TBX1: variants seen among roughly 807,000 people sequenced by gnomAD.
TBX1 encodes the protein T-box transcription factor 1.
TBX1 carries 16 observed loss-of-function variants against 40.8 expected under a neutral mutation model. The observed-to-expected ratio is 0.39, with a 90% CI of 0.27 to 0.60. The LOEUF is 0.60. Among genes scored for constraint, TBX1 ranks in the 20% least tolerant of loss-of-function variants. The pLI is 0.51. For missense variants in TBX1, 755 were observed against 728.5 expected, an observed-to-expected ratio of 1.04 and a Z score of -0.42; for synonymous variants, 403 against 336.8, an observed-to-expected ratio of 1.20 and a Z score of -2.15.
At chr22:19,780,362 C>T (rs139385022), downstream of TBX1, among the ~76,000 whole-genome samples, 7 of 152,356 alleles carry the variant, frequency 4.6e-5, no homozygotes, top group South Asian at 1.0e-3. Flanking sequence ...AGTGGAATCA[C>T]ACAGCATTTG....
rs369277079 is a variant in TBX1 at position 19,775,030 on chromosome 22, C to T, written c.1010-4190C>T. ...TCGGGTTCAGGCTCTCCTTCCACCT[C>T]GGCCTCCCAAAGTGCTGGGATTATA... On this transcript the variant is annotated intron_variant, in intron 8 of 8. Transcript: ENST00000329705. Among the ~76,000 whole-genome samples the T allele has an allele frequency of 3.3e-5, 5 of 152,336 alleles. No individual in the cohort carries two copies. The East Asian group carries it at 9.6e-4, about 29-fold the overall frequency.
chr22:19,763,600 G>A, intron 2 of TBX1: 2 of 540,310 alleles, frequency 3.7e-6, no homozygotes, highest in East Asian at 6.5e-5. Context: ...TGTGGCCCTA[G>A]GGTGGTCAGC....
At chr22:19,759,672 TG>T, upstream of TBX1, 2 of 1,612,484 alleles carry the variant, frequency 1.2e-6, no homozygotes, top group Non-Finnish European at 1.7e-6. Context: ...ACCAGGGACA[TG>T]GAAGGTGAGC....
chr22:19,766,905 GC>G lies in TBX1; in HGVS notation c.*42del. ...CGCGCTCCCGCCCCGGTCCTGCACA[GC>G]CCCGAAGTTCGCCGGGCCCGGCCAC... On this transcript the variant is annotated 3_prime_UTR_variant, in exon 7 of 7. Transcript: ENST00000649276. 6.4e-7 allele frequency: 1 copy of G among 1,573,962 alleles called. No homozygotes were observed. Among genetic ancestry groups the G allele is most frequent in the Non-Finnish European group, 8.6e-7 (1 of 1,168,182 alleles).
chr22:19,776,583 T>C (rs549574900), intron 8 of TBX1, among the ~76,000 whole-genome samples: 1 of 152,070 alleles, frequency 6.6e-6, no homozygotes, highest in African/African-American at 2.4e-5. Context: ...GGTCTCCCAC[T>C]CAGGGAGGGA....
intron 1 of TBX1, among the ~76,000 whole-genome samples, chr22:19,762,684 G>A (rs2145831409): frequency 6.6e-6 from 1 of 152,234 alleles, no homozygotes; most frequent in East Asian, 1.9e-4. Flanking sequence ...TTATCATGGG[G>A]CCATGATAGA....
chr22:19,772,358 T>G (rs184510133), intron 8 of TBX1, among the ~76,000 whole-genome samples: 221 of 152,314 alleles, frequency 1.5e-3, no homozygotes, highest in African/African-American at 4.9e-3. Flanking sequence ...CAGGCTGGAG[T>G]GCAGTGGTGT....
intron 8 of TBX1, among the ~76,000 whole-genome samples, chr22:19,777,885 A>T (rs1187806249): frequency 6.7e-6 from 1 of 148,904 alleles, no homozygotes; most frequent in Non-Finnish European, 1.5e-5. Context: ...TCAACCTCCC[A>T]TGTAGCTGGG....
At position 19,760,817 on chromosome 22, in the gene TBX1, G is replaced by C. The variant is rs1451319545; in HGVS notation, c.-27G>C. 1 of 751,122 alleles carries C rather than the reference G, an allele frequency of 1.3e-6. No individual in the cohort carries two copies. Among genetic ancestry groups the C allele is most frequent in the Non-Finnish European group, 1.6e-6 (1 of 617,964 alleles). The allele number at this position is 751,122 out of a possible 1,614,324, so 46.5% of individuals were successfully genotyped here. ...GCGGGGCAGCGCTCAGCTTGGTGGCGGGGGCGGCGGCGGCGGCCCGCGGGT... is the reference window on the plus strand; with the variant it reads ...GCGGGGCAGCGCTCAGCTTGGTGGCCGGGGCGGCGGCGGCGGCCCGCGGGT... On this transcript the variant is annotated 5_prime_UTR_variant, in exon 1 of 7. Transcript: ENST00000649276.
chr22:19,767,642 C>T (rs1357282527), downstream of TBX1, among the ~76,000 whole-genome samples: 5 of 152,222 alleles, frequency 3.3e-5, no homozygotes, highest in Admixed American at 2.0e-4. Flanking sequence ...GGTGTGCATC[C>T]TGCCTTTTTA....
downstream of TBX1, among the ~76,000 whole-genome samples, chr22:19,768,928 C>T (rs908067273): frequency 3.5e-5 from 5 of 143,492 alleles, no homozygotes; most frequent in African/African-American, 1.3e-4. Flanking sequence ...AGGGCCGCCG[C>T]TGGCCATCCG....
intron 1 of TBX1, among the ~76,000 whole-genome samples, chr22:19,762,439 G>A (rs946183951): frequency 2.0e-5 from 3 of 152,224 alleles, no homozygotes; most frequent in African/African-American, 7.2e-5. Context: ...AGGGCCCCAC[G>A]GCCACTACTG....
At chr22:19,762,738 C>T (rs1936708307) in intron 1 of TBX1, among the ~76,000 whole-genome samples, 1 of 151,940 alleles carries the variant, frequency 6.6e-6, no homozygotes, top group Admixed American at 6.5e-5. Context: ...TGAGCCTTGG[C>T]CTCACTGAGG....
At chr22:19,780,552 T>C (rs1937130221), downstream of TBX1, among the ~76,000 whole-genome samples, 3 of 152,234 alleles carry the variant, frequency 2.0e-5, no homozygotes, top group Non-Finnish European at 4.4e-5. Context: ...ACCTGTTGGC[T>C]GCTGTGAGTA....
downstream of TBX1, among the ~76,000 whole-genome samples, chr22:19,770,523 C>T (rs774048227): frequency 5.3e-5 from 8 of 152,220 alleles, no homozygotes; most frequent in South Asian, 2.1e-4. Context: ...CAGGAGCACG[C>T]GGGGGCTTGG....
In TBX1 at chr22:19,765,947, C is replaced by T. The variant is rs1936822710; in HGVS notation, c.981C>T (p.Phe327=). ...GCGCACTGCCGCTCATGAGCGCCTT[C>T]GCGCGCTCGCGGAACCCCGTGGCTT... The part of the protein sequence containing the change: ...RPGALPLMSA[F]ARSRNPVASP... Residue 327 remains phenylalanine (F), a synonymous_variant, in exon 6 of 7, where the codon TTC becomes TTT. Coordinates refer to ENST00000649276, the MANE Select transcript of TBX1 (RefSeq NM_001379200.1). 6.6e-6 allele frequency: 10 copies of T among 1,522,942 alleles called. No homozygotes were observed. The highest frequency in any genetic ancestry group is 8.8e-6 in the Non-Finnish European group (10 of 1,138,520). 94.3% of individuals were successfully genotyped at this position (1,522,942 alleles called of 1,614,324 possible).
downstream of TBX1, among the ~76,000 whole-genome samples, chr22:19,770,996 G>C (rs1936981492): frequency 6.6e-6 from 1 of 152,214 alleles, no homozygotes; most frequent in South Asian, 2.1e-4. Flanking sequence ...CCTCCGCCCT[G>C]TGTGGAGAAG....
chr22:19,771,598 C>T (rs1264479464), downstream of TBX1, among the ~76,000 whole-genome samples: 4 of 152,342 alleles, frequency 2.6e-5, no homozygotes, highest in Non-Finnish European at 1.5e-5. Flanking sequence ...AAAGTAAGCA[C>T]GTAATCCTCT....
At chr22:19,763,505 C>T in intron 2 of TBX1, 163 bp downstream of exon 2, 2 of 666,704 alleles carry the variant, frequency 3.0e-6, no homozygotes, top group African/African-American at 1.8e-5. Context: ...CCATCTGACC[C>T]CAGACCCACA....
Sources: gnomAD v4.1 joint callset for allele counts (sites outside exome capture counted in the v4.1 genomes callset) on GRCh38, gnomAD v4.1.1 for gene constraint, MANE v1.5 for transcripts, NCBI Gene and HGNC (gene_info 2026-07-23, HGNC 2026-07-21) for gene names.